EEF1B2: variants seen among roughly 807,000 people sequenced by gnomAD.
The protein encoded by EEF1B2 is elongation factor 1-beta.
Under a neutral mutation model 28.3 loss-of-function variants are expected in EEF1B2, and 12 were observed. The ratio of observed to expected loss-of-function variants is 0.42; its 90% CI spans 0.27 to 0.69. The LOEUF (loss-of-function observed/expected upper bound fraction) is 0.69, where lower values mean the gene tolerates loss of function less well. EEF1B2 is among the 30% of genes least tolerant of loss of function. The pLI, the probability that EEF1B2 is intolerant of heterozygous loss-of-function variation, is 0.22. For synonymous variants in EEF1B2, 83 were observed against 99.9 expected, an observed-to-expected ratio of 0.83 and a Z score of 1.01; for missense variants, 234 against 272.6, an observed-to-expected ratio of 0.86 and a Z score of 1.00.
At position 206,159,896 on chromosome 2, in the gene EEF1B2, C is replaced by G. The variant is rs906891913; in HGVS notation, c.-84C>G. 3 of 1,508,336 alleles carry G rather than the reference C, an allele frequency of 2.0e-6. No individual in the cohort carries two copies. The highest frequency in any genetic ancestry group is 2.5e-4 in the Middle Eastern group (1 of 4,032). The allele number at this position is 1,508,336 out of a possible 1,614,324, so 93.4% of individuals were successfully genotyped here. ...AGGAATTTTCCGGTCTCTTCGGGTC[C>G]TTTTTCCTCTCTTCAGCGTGGGGCG... On this transcript the variant is annotated 5_prime_UTR_variant, in exon 1 of 6. Coordinates refer to ENST00000392222, the MANE Select transcript of EEF1B2 (RefSeq NM_001959.4).
chr2:206,162,381 G>A (rs941260635), intron 4 of EEF1B2, 108 bp from the exon 5 acceptor site: 1 of 1,550,822 alleles, frequency 6.4e-7, no homozygotes, highest in African/African-American at 1.4e-5. Flanking sequence ...AGTTTTGTTT[G>A]GCTAAGGAGA....
chr2:206,162,347 G>T, intron 4 of EEF1B2, 142 bp from the exon 5 acceptor site: 1 of 1,377,058 alleles, frequency 7.3e-7, no homozygotes, highest in Non-Finnish European at 1.0e-6. Context: ...GTATATATGT[G>T]TGACAGACAC....
chr2:206,162,652 C>T lies in EEF1B2; in HGVS notation c.523+38C>T, dbSNP rs201660860. The T allele has an allele frequency of 1.0e-4, 164 of 1,593,644 alleles. 1 individual carries two copies. The African/African-American group carries it at 2.2e-3, about 21-fold the overall frequency. On this transcript the variant is annotated intron_variant, in intron 5 of 5. Coordinates refer to ENST00000392222, the MANE Select transcript of EEF1B2 (RefSeq NM_001959.4). Reference sequence around the variant, plus strand: ...TTTGCCTTTTTTTTTTTGAAACTAACATCTGGAATTTGCCTACAGTTTCAA... The same window carrying T: ...TTTGCCTTTTTTTTTTTGAAACTAATATCTGGAATTTGCCTACAGTTTCAA...
rs745542472 is a variant in EEF1B2 at position 206,162,694 on chromosome 2, T to TAGA, written c.524-35_524-34insAGA. 13 of 1,611,908 alleles carry TAGA rather than the reference T, an allele frequency of 8.1e-6. No homozygotes were observed. In the African/African-American group the frequency reaches 1.7e-4, roughly 22 times the overall value. The stretch of plus-strand genomic sequence containing the variant: ...CAGTTTCAACCTTTCCTACAAGACT[T>TAGA]TTCTAACTAGGATTTTTCTTAATGC... On this transcript the variant is annotated intron_variant, in intron 5 of 5. Coordinates refer to ENST00000392222, the MANE Select transcript of EEF1B2 (RefSeq NM_001959.4).
chr2:206,162,713 T>C lies in EEF1B2; in HGVS notation c.524-16T>C. 1 of 1,613,524 alleles carries C rather than the reference T, an allele frequency of 6.2e-7. No individual in the cohort carries two copies. Among genetic ancestry groups the C allele is most frequent in the South Asian group, 1.1e-5 (1 of 90,846 alleles). On this transcript the variant is annotated splice_polypyrimidine_tract_variant and intron_variant, in intron 5 of 5. Coordinates refer to ENST00000392222, the MANE Select transcript of EEF1B2 (RefSeq NM_001959.4). ...AAGACTTTTCTAACTAGGATTTTTC[T>C]TAATGCTCTTTTTAGCTAAACTAGT...
chr2:206,161,862 C>T, intron 3 of EEF1B2, 176 bp from the exon 4 acceptor site: 2 of 765,318 alleles, frequency 2.6e-6, no homozygotes, highest in South Asian at 2.7e-5. Context: ...ATTTATATGC[C>T]TTTTTCAAAT....
At chr2:206,162,385 A>G in intron 4 of EEF1B2, 104 bp from the exon 5 acceptor site, 4 of 1,565,948 alleles carry the variant, frequency 2.6e-6, no homozygotes, top group South Asian at 2.2e-5. Flanking sequence ...TTGTTTGGCT[A>G]AGGAGATAGT....
rs1332032443 is a variant in EEF1B2 at position 206,161,484 on chromosome 2, T to A, written c.330+12T>A. 1.2e-6 allele frequency: 2 copies of A among 1,613,248 alleles called. No individual in the cohort carries two copies. Among genetic ancestry groups the A allele is most frequent in the Non-Finnish European group, 1.7e-6 (2 of 1,179,598 alleles). ...CTGATGATGAGGAGGTATGGCGTCT[T>A]CTATAAAGAACATATCGGCCAGGCG... is the stretch of plus-strand genomic sequence containing the variant. On this transcript the variant is annotated intron_variant, in intron 3 of 5. Transcript: ENST00000392222.
At chr2:206,160,341 G>A (rs1687878150) in intron 1 of EEF1B2, among the ~76,000 whole-genome samples, 1 of 152,226 alleles carries the variant, frequency 6.6e-6, no homozygotes, top group Admixed American at 6.5e-5. Flanking sequence ...TACATGTTAA[G>A]CTGTAGATAG....
intron 4 of EEF1B2, 178 bp from the exon 5 acceptor site, chr2:206,162,311 C>G (rs767755310): frequency 3.3e-6 from 4 of 1,200,064 alleles, no homozygotes; most frequent in Non-Finnish European, 5.0e-6. Context: ...ACACAAACAC[C>G]TCTTTCTTAG....
intron 2 of EEF1B2, 187 bp downstream of exon 2, chr2:206,160,897 G>T (rs1394871809): frequency 1.1e-5 from 10 of 914,564 alleles, no homozygotes; most frequent in Non-Finnish European, 1.7e-5. Context: ...GTAGAACATG[G>T]ACAGCAGCAA....
At chr2:206,160,986 C>A in intron 2 of EEF1B2, 1 of 671,014 alleles carries the variant, frequency 1.5e-6, no homozygotes, top group Non-Finnish European at 2.7e-6. Context: ...GAGAGGGTGG[C>A]TCATTCATTC....
chr2:206,161,536 A>C, intron 3 of EEF1B2, 64 bp downstream of exon 3: 4 of 1,598,284 alleles, frequency 2.5e-6, no homozygotes, highest in Non-Finnish European at 3.4e-6. Context: ...TAATCCCAGC[A>C]TGTTGGGAGG....
At chr2:206,159,798 G>C (rs1559071567), upstream of EEF1B2, 1 of 570,490 alleles carries the variant, frequency 1.8e-6, no homozygotes, top group Non-Finnish European at 3.1e-6. Context: ...GTGGAGAAGT[G>C]GGAATGCAAA....
Position 206,160,139 on chromosome 2 carries a change from G to T in EEF1B2, c.80+80G>T, listed in dbSNP as rs896882476. On this transcript the variant is annotated intron_variant, in intron 1 of 5. Coordinates refer to ENST00000392222, the MANE Select transcript of EEF1B2 (RefSeq NM_001959.4). Reference sequence around the variant, plus strand: ...GGCCACGTGGCGCAGCGTGTCGGCTGCCGCGGGAGGGAGGGAGGCCGGGCC... The same window carrying T: ...GGCCACGTGGCGCAGCGTGTCGGCTTCCGCGGGAGGGAGGGAGGCCGGGCC... 7 of 1,520,680 alleles carry T rather than the reference G, an allele frequency of 4.6e-6. No homozygotes were observed. The African/African-American group carries it at 1.1e-4, about 24-fold the overall frequency. 94.2% of individuals were successfully genotyped at this position (1,520,680 alleles called of 1,614,324 possible).
chr2:206,161,191 C>G, intron 2 of EEF1B2, 155 bp from the exon 3 acceptor site: 1 of 959,046 alleles, frequency 1.0e-6, no homozygotes, highest in South Asian at 1.6e-5. Context: ...AGGAGTTGAA[C>G]ATATGACAGT....
chr2:206,161,624 T>C (rs1687935426), intron 3 of EEF1B2, 152 bp downstream of exon 3: 2 of 986,372 alleles, frequency 2.0e-6, no homozygotes. Flanking sequence ...GTACTAAAAA[T>C]ACAAAAAAAT....
chr2:206,159,853 C>A, upstream of EEF1B2: 1 of 1,055,374 alleles, frequency 9.5e-7, no homozygotes, highest in Non-Finnish European at 1.4e-6. Flanking sequence ...TGGAGGGAAA[C>A]GCCTCCGTCT....
At chr2:206,162,285 G>A in intron 4 of EEF1B2, 181 bp downstream of exon 4, 1 of 1,113,172 alleles carries the variant, frequency 9.0e-7, no homozygotes, top group Non-Finnish European at 1.4e-6. Flanking sequence ...ATTCCTCTGT[G>A]GGAAAGAAAC....
Sources: allele counts gnomAD v4.1 joint callset (sites outside exome capture counted in the v4.1 genomes callset), GRCh38; gene constraint gnomAD v4.1.1; transcripts MANE v1.5; gene names NCBI Gene and HGNC (gene_info 2026-07-23, HGNC 2026-07-21).